Variants in POF1B observed in about 807,000 individuals in gnomAD.
POF1B encodes POF1B actin binding protein.
POF1B carries 53 observed loss-of-function variants against 55.3 expected under a neutral mutation model. That is an observed-to-expected ratio of 0.96 (90% confidence interval 0.77 to 1.20). The LOEUF (loss-of-function observed/expected upper bound fraction) is 1.20. POF1B is among the 50% of genes most tolerant of loss of function. The pLI is 0.00. For missense variants in POF1B, 478 were observed against 420.5 expected (o/e 1.14, Z -1.20); for synonymous variants, 188 against 148.3 (o/e 1.27, Z -1.95).
At chrX:85,357,678 C>T (rs1280419184) in intron 4 of POF1B, among the ~76,000 whole-genome samples, 2 of 110,725 alleles carry the variant, frequency 1.8e-5, no homozygotes, top group African/African-American at 6.6e-5. Flanking sequence ...CTGATAACCC[C>T]TCTGTCTGTG....
chrX:85,319,159 G>A (rs771402898), intron 7 of POF1B, among the ~76,000 whole-genome samples: 2 of 111,211 alleles, frequency 1.8e-5, no homozygotes, highest in South Asian at 7.5e-4. Context: ...TTCTGATTTG[G>A]CTCTCAGCTT....
At chrX:85,339,037 G>A (rs1158225449) in intron 6 of POF1B, among the ~76,000 whole-genome samples, 1 of 110,623 alleles carries the variant, frequency 9.0e-6, no homozygotes, top group African/African-American at 3.3e-5. Context: ...AGAAAAAGAA[G>A]GGGGGCTGTT....
At chrX:85,311,055 C>CT (rs1326266424) in intron 9 of POF1B, among the ~76,000 whole-genome samples, 1 of 111,111 alleles carries the variant, frequency 9.0e-6, no homozygotes, top group African/African-American at 3.3e-5. Context: ...TAATTTGTTA[C>CT]TAGCAGACCT....
chrX:85,323,640 TTCTC>T (rs1215064880), intron 7 of POF1B, among the ~76,000 whole-genome samples: 1 of 110,762 alleles, frequency 9.0e-6, no homozygotes, highest in African/African-American at 3.3e-5. Context: ...ATGTCTATCT[TTCTC>T]ATTCATTCTT....
At chrX:85,352,059 CA>C (rs767524500) in intron 4 of POF1B, among the ~76,000 whole-genome samples, 1 of 110,635 alleles carries the variant, frequency 9.0e-6, no homozygotes, top group Non-Finnish European at 1.9e-5. Context: ...TCCACATATT[CA>C]ACTAAATTGC....
intron 7 of POF1B, among the ~76,000 whole-genome samples, chrX:85,325,006 C>T (rs147305787): frequency 2.7e-5 from 3 of 111,704 alleles, no homozygotes; most frequent in African/African-American, 6.5e-5. Flanking sequence ...TTTAAGAGTG[C>T]TGAATACAGG....
intron 9 of POF1B, among the ~76,000 whole-genome samples, chrX:85,313,699 T>C (rs1404330092): frequency 9.0e-6 from 1 of 111,588 alleles, no homozygotes; most frequent in Non-Finnish European, 1.9e-5. Context: ...TAAAACGAGT[T>C]AGGGGGGAGT....
At chrX:85,309,351 G>C (rs1431612447) in intron 9 of POF1B, among the ~76,000 whole-genome samples, 4 of 102,570 alleles carry the variant, frequency 3.9e-5, no homozygotes, top group Admixed American at 3.2e-4. Flanking sequence ...TACTTTTGTT[G>C]CTTCACAAAA....
intron 9 of POF1B, among the ~76,000 whole-genome samples, chrX:85,311,058 G>A (rs895221154): frequency 1.8e-5 from 2 of 111,237 alleles, no homozygotes; most frequent in African/African-American, 6.5e-5. Flanking sequence ...TTTGTTACTA[G>A]CAGACCTACC....
intron 7 of POF1B, among the ~76,000 whole-genome samples, chrX:85,322,340 G>A (rs1932847183): frequency 1.8e-5 from 2 of 111,028 alleles, no homozygotes; most frequent in South Asian, 7.6e-4. Context: ...ACAAGCAATG[G>A]GGAAAGGATT....
At chrX:85,325,553 T>C (rs892011445) in intron 7 of POF1B, among the ~76,000 whole-genome samples, 6 of 112,370 alleles carry the variant, frequency 5.3e-5, no homozygotes, top group African/African-American at 1.9e-4. Flanking sequence ...ATAATAGCCA[T>C]TTTGTCTATC....
chrX:85,321,598 T>C (rs1422570343), intron 7 of POF1B, among the ~76,000 whole-genome samples: 1 of 108,094 alleles, frequency 9.3e-6, no homozygotes, highest in Non-Finnish European at 1.9e-5. Context: ...GCCAGGGCAA[T>C]TAGGCAGGAG....
At chrX:85,378,893 A>G (rs896975364) in intron 2 of POF1B, among the ~76,000 whole-genome samples, 1 of 112,300 alleles carries the variant, frequency 8.9e-6, no homozygotes, top group Non-Finnish European at 1.9e-5. Flanking sequence ...GGGCAAAGGG[A>G]TTCCTTGGAT....
Position 85,303,392 on chromosome X carries a change from T to TA in POF1B, c.1649+13dup. On this transcript the variant is annotated intron_variant, in intron 15 of 16. Coordinates refer to ENST00000262753, the MANE Select transcript of POF1B (RefSeq NM_024921.4). ...ATAATTTTTATATTCAAATTTCATT[T>TA]AAAAATACATTACTTTTTAGTGGTA... 1 of 1,060,868 alleles carries TA rather than the reference T, an allele frequency of 9.4e-7. No homozygotes were observed. Among genetic ancestry groups the TA allele is most frequent in the East Asian group, 3.1e-5 (1 of 32,499 alleles). 87.4% of individuals were successfully genotyped at this position (1,060,868 alleles called of 1,213,427 possible). A position where few individuals can be genotyped will look rare whatever the true frequency, so the allele number is the denominator to read the frequency against.
At chrX:85,291,090 T>A (rs1932176160) in intron 15 of POF1B, among the ~76,000 whole-genome samples, 1 of 112,136 alleles carries the variant, frequency 8.9e-6, no homozygotes, top group South Asian at 3.7e-4. Flanking sequence ...AGTCTTTAGT[T>A]CATCTTTAGT....
chrX:85,336,146 T>A (rs187548354), intron 6 of POF1B, among the ~76,000 whole-genome samples: 2 of 111,213 alleles, frequency 1.8e-5, no homozygotes, highest in Admixed American at 1.9e-4. Flanking sequence ...CTTACTATAA[T>A]GTCCTCCTTT....
At position 85,339,667 on chromosome X, in the gene POF1B, A is replaced by G. The variant is rs1016582970; in HGVS notation, c.723+6193T>C. On this transcript the variant is annotated intron_variant, in intron 6 of 16. Coordinates refer to ENST00000262753, the MANE Select transcript of POF1B (RefSeq NM_024921.4). ...AGGAATGTGTGAGTAGTGAGAATAT[A>G]GCATCTGAGAGTATGTCTCCCTCCT... Among the ~76,000 whole-genome samples the G allele has an allele frequency of 3.6e-5, 4 of 110,830 alleles. No individual in the cohort carries two copies. In the Admixed American group the frequency reaches 3.9e-4, roughly 11 times the overall value.
At chrX:85,333,216 A>G (rs1273573611) in intron 6 of POF1B, among the ~76,000 whole-genome samples, 1 of 110,545 alleles carries the variant, frequency 9.0e-6, no homozygotes, top group African/African-American at 3.3e-5. Flanking sequence ...CTTGTTGTGT[A>G]TCCAAATCTT....
At chrX:85,318,319 A>C (rs752193681) in intron 7 of POF1B, among the ~76,000 whole-genome samples, 1 of 111,468 alleles carries the variant, frequency 9.0e-6, no homozygotes, top group Admixed American at 9.5e-5. Context: ...ATTGTCTTTT[A>C]AGTCTGTTAA....
Sources: allele counts gnomAD v4.1 joint callset (sites outside exome capture counted in the v4.1 genomes callset), GRCh38; gene constraint gnomAD v4.1.1; transcripts MANE v1.5; gene names NCBI Gene and HGNC (gene_info 2026-07-23, HGNC 2026-07-21).